WNT3: variants seen among roughly 807,000 people sequenced by gnomAD.
WNT3 encodes proto-oncogene Wnt-3.
Under a neutral mutation model 34.2 loss-of-function variants are expected in WNT3, and 7 were observed. That is an observed-to-expected ratio of 0.20 (90% CI 0.12 to 0.38). WNT3 has a LOEUF of 0.38. Among genes scored for constraint, WNT3 ranks in the 10% least tolerant of loss-of-function variants. The probability of loss-of-function intolerance (pLI) is 1.00; values close to 1 mark genes in which losing one functional copy is unlikely to be tolerated. For missense variants in WNT3, 267 were observed against 499.8 expected, an observed-to-expected ratio of 0.53 and a Z score of 4.44; for synonymous variants, 212 against 211.5, an observed-to-expected ratio of 1.00 and a Z score of -0.02.
intron 1 of WNT3, among the ~76,000 whole-genome samples, chr17:46,797,581 G>A (rs2146436346): frequency 6.6e-6 from 1 of 152,314 alleles, no homozygotes; most frequent in African/African-American, 2.4e-5. Flanking sequence ...TTGGAAAACA[G>A]TTTGGCATCA....
chr17:46,772,001 C>T (rs2059378447), intron 2 of WNT3, among the ~76,000 whole-genome samples: 1 of 151,080 alleles, frequency 6.6e-6, no homozygotes, highest in South Asian at 2.1e-4. Context: ...AAGACGCGCG[C>T]CCCGGGCTGC....
At chr17:46,788,301 A>G (rs2083933209) in intron 1 of WNT3, among the ~76,000 whole-genome samples, 1 of 151,892 alleles carries the variant, frequency 6.6e-6, no homozygotes, top group Non-Finnish European at 1.5e-5. Flanking sequence ...CCCCTTCCTG[A>G]CCCCTCCAAA....
intron 1 of WNT3, among the ~76,000 whole-genome samples, chr17:46,779,868 C>T (rs1481556105): frequency 6.6e-6 from 1 of 152,130 alleles, no homozygotes; most frequent in Non-Finnish European, 1.5e-5. Flanking sequence ...AAGTGATTCT[C>T]CTGCCTCGGC....
intron 4 of WNT3, among the ~76,000 whole-genome samples, chr17:46,767,989 T>C (rs976724467): frequency 1.3e-5 from 2 of 152,104 alleles, no homozygotes; most frequent in Non-Finnish European, 2.9e-5. Flanking sequence ...GGTTTCACCA[T>C]GTTGGCCAGG....
chr17:46,769,095 T>G (rs1326998962), intron 3 of WNT3, among the ~76,000 whole-genome samples: 7 of 152,048 alleles, frequency 4.6e-5, no homozygotes, highest in Non-Finnish European at 1.0e-4. Flanking sequence ...GGCGGGAGGA[T>G]CACCTGAAGT....
intron 1 of WNT3, among the ~76,000 whole-genome samples, chr17:46,779,053 T>TCA (rs56965619): frequency 0.025 from 2,513 of 100,604 alleles, 50 homozygotes; most frequent in African/African-American, 0.038. Flanking sequence ...CCCTACCCCA[T>TCA]CACACACACA....
chr17:46,771,687 C>T (rs1365239814), intron 2 of WNT3, among the ~76,000 whole-genome samples: 3 of 143,928 alleles, frequency 2.1e-5, no homozygotes, highest in African/African-American at 5.0e-5. Context: ...CAACGGGCGG[C>T]TCCCGCGGCC....
intron 1 of WNT3, among the ~76,000 whole-genome samples, chr17:46,788,884 C>T (rs1329432309): frequency 2.0e-5 from 3 of 152,204 alleles, no homozygotes; most frequent in African/African-American, 7.2e-5. Flanking sequence ...CATGGCCCTG[C>T]TGGCTCTCTG....
chr17:46,797,958 G>C (rs559271084), intron 1 of WNT3, among the ~76,000 whole-genome samples: 18 of 151,796 alleles, frequency 1.2e-4, no homozygotes, highest in African/African-American at 4.1e-4. Context: ...TTGTTTTTTT[G>C]AGACAGGGTC....
chr17:46,771,494 G>T (rs1352106302), intron 2 of WNT3, among the ~76,000 whole-genome samples: 1 of 149,406 alleles, frequency 6.7e-6, no homozygotes, highest in Non-Finnish European at 1.5e-5. Flanking sequence ...CCGGGAACGC[G>T]GGGGCGGCGG....
chr17:46,805,966 T>G (rs1253031957), intron 1 of WNT3, among the ~76,000 whole-genome samples: 1 of 152,220 alleles, frequency 6.6e-6, no homozygotes, highest in Non-Finnish European at 1.5e-5. Flanking sequence ...GAATGGTGCC[T>G]CAGGGCCTCA....
chr17:46,773,616 T>TGGGGG, intron 2 of WNT3, 52 bp downstream of exon 2: 1 of 997,790 alleles, frequency 1.0e-6, no homozygotes, highest in Non-Finnish European at 1.5e-6. Context: ...CATACAGTCC[T>TGGGGG]GATCCCTCCC....
intron 1 of WNT3, among the ~76,000 whole-genome samples, chr17:46,786,061 A>ACC (rs55909661): frequency 8.3e-4 from 28 of 33,586 alleles, no homozygotes; most frequent in African/African-American, 2.2e-3. Flanking sequence ...TTTCTTACCC[A>ACC]CCCCCCCACC....
chr17:46,779,105 C>CACACACACACACACACACA (rs1568079934), intron 1 of WNT3, among the ~76,000 whole-genome samples: 2 of 35,398 alleles, frequency 5.7e-5, no homozygotes, highest in Non-Finnish European at 1.3e-4. Context: ...ACACACACAC[C>CACACACACACACACACACA]CCAGCCCACT....
intron 1 of WNT3, among the ~76,000 whole-genome samples, chr17:46,789,613 C>G (rs2083954630): frequency 6.6e-6 from 1 of 152,098 alleles, no homozygotes; most frequent in Admixed American, 6.5e-5. Flanking sequence ...ACACAAGGGA[C>G]AGAGGAACAA....
At chr17:46,806,833 C>G (rs1158432233) in intron 1 of WNT3, among the ~76,000 whole-genome samples, 1 of 152,264 alleles carries the variant, frequency 6.6e-6, no homozygotes, top group Non-Finnish European at 1.5e-5. Context: ...CCGCTCCCCT[C>G]TGCTCCTCCT....
intron 1 of WNT3, among the ~76,000 whole-genome samples, chr17:46,781,027 G>A (rs2059455889): frequency 6.6e-6 from 1 of 151,824 alleles, no homozygotes; most frequent in Non-Finnish European, 1.5e-5. Context: ...TCAGGAGTTC[G>A]AGACCAGCCT....
In WNT3 at chr17:46,768,883, C is replaced by A; in HGVS notation, c.589-84G>T. ...GCCTTCCCTCTCTGCCACTGCCCAC[C>A]CCCTTCCCTCCAGCCTTCTCTACTC... is the stretch of plus-strand genomic sequence containing the variant. On this transcript the variant is annotated intron_variant, in intron 3 of 4. Coordinates refer to ENST00000225512, the MANE Select transcript of WNT3 (RefSeq NM_030753.5). The surrounding 1 kb of genome is among the most constrained non-coding windows in gnomAD (Gnocchi z 5.0). 25 of 1,550,604 alleles carry A rather than the reference C, an allele frequency of 1.6e-5. No homozygotes were observed. Among genetic ancestry groups the A allele is most frequent in the Non-Finnish European group, 2.0e-5 (23 of 1,151,384 alleles).
chr17:46,779,603 G>A (rs1018486358), intron 1 of WNT3, among the ~76,000 whole-genome samples: 1 of 152,222 alleles, frequency 6.6e-6, no homozygotes, highest in African/African-American at 2.4e-5. Flanking sequence ...ACCCCTTGGA[G>A]TGAAATATCC....
Sources: allele counts gnomAD v4.1 joint callset (sites outside exome capture counted in the v4.1 genomes callset), GRCh38; gene constraint gnomAD v4.1.1; non-coding constraint Gnocchi (gnomAD v3.1); transcripts MANE v1.5; gene names NCBI Gene and HGNC (gene_info 2026-07-23, HGNC 2026-07-21).